Variants in FOXRED1 observed in about 807,000 individuals in gnomAD.
The protein encoded by FOXRED1 is FAD-dependent oxidoreductase domain-containing protein 1.
In FOXRED1, 52 loss-of-function variants were observed where a neutral mutation model predicts 57.8. The observed-to-expected ratio is 0.90, with a 90% CI of 0.72 to 1.13. The LOEUF is 1.13. Ranked by LOEUF, FOXRED1 falls within the 50% of genes most tolerant of loss-of-function variation. The probability of loss-of-function intolerance (pLI) is 0.00; values close to 1 mark genes in which losing one functional copy is unlikely to be tolerated. For missense variants in FOXRED1, 589 were observed against 625.2 expected, an observed-to-expected ratio of 0.94 and a Z score of 0.62; for synonymous variants, 271 against 248.3, an observed-to-expected ratio of 1.09 and a Z score of -0.86.
chr11:126,277,448 G>A lies in FOXRED1; in HGVS notation c.1220G>A (p.Trp407Ter), dbSNP rs1313443768. The A allele has an allele frequency of 6.2e-7, 1 of 1,613,024 alleles. No homozygotes were observed. The highest frequency in any genetic ancestry group is 8.5e-7 in the Non-Finnish European group (1 of 1,180,002). ...AFETLKVQSA[W>*]AGYYDYNTFD... ...GTGCACCCGCAGGTTCAGAGCGCCT[G>A]GGCCGGCTATTACGACTACAACACC... The change falls in exon 11 of 11, where the codon TGG becomes TAG. Residue 407 changes from tryptophan (W) to a stop codon, truncating the protein, a stop_gained. Transcript: ENST00000263578. LOFTEE classifies it high-confidence loss of function. This position sits in a 1 kb window ranked among gnomAD's most constrained non-coding sequence, Gnocchi z 6.8.
In FOXRED1 at chr11:126,277,159, C is replaced by T; in HGVS notation, c.1190C>T (p.Ala397Val). The change falls in exon 10 of 11, where the codon GCT becomes GTT. Residue 397 changes from alanine to valine, a missense_variant. Transcript: ENST00000263578. The surrounding 1 kb of genome is among the most constrained non-coding windows in gnomAD (Gnocchi z 6.8). The part of the protein sequence containing the change: ...VWPHLALRVP[A>V]FETLKVQSAW... The stretch of plus-strand genomic sequence containing the variant: ...CCCCATTTGGCCCTGAGGGTCCCAG[C>T]TTTTGAGACTCTGAAGGTAACTGGC... The T allele has an allele frequency of 6.2e-7, 1 of 1,604,458 alleles. No homozygotes were observed. The highest frequency in any genetic ancestry group is 1.1e-5 in the South Asian group (1 of 90,924).
chr11:126,274,149 G>A lies in FOXRED1; in HGVS notation c.536+695G>A, dbSNP rs755351585. ...TACATATGAGGAAACTGAGGCATAA[G>A]GCGCTAGTAAGTGGTGGCGGTAGGA... On this transcript the variant is annotated intron_variant, in intron 4 of 10. Coordinates refer to ENST00000263578, the MANE Select transcript of FOXRED1 (RefSeq NM_017547.4). This position sits in a 1 kb window ranked among gnomAD's most constrained non-coding sequence, Gnocchi z 4.8. 5 of 157,986 alleles carry A rather than the reference G, an allele frequency of 3.2e-5. No homozygotes were observed. The highest frequency in any genetic ancestry group is 7.0e-5 in the Non-Finnish European group (5 of 71,280). 9.8% of individuals were successfully genotyped at this position (157,986 alleles called of 1,614,324 possible). A position where few individuals can be genotyped will look rare whatever the true frequency, so the allele number is the denominator to read the frequency against.
chr11:126,275,517 G>A lies in FOXRED1; in HGVS notation c.733+89G>A, dbSNP rs770805319. The A allele has an allele frequency of 1.0e-6, 1 of 964,466 alleles. No homozygotes were observed. Among genetic ancestry groups the A allele is most frequent in the East Asian group, 2.4e-5 (1 of 41,058 alleles). The allele number at this position is 964,466 out of a possible 1,614,324, so 59.7% of individuals were successfully genotyped here. On this transcript the variant is annotated intron_variant, in intron 6 of 10. Coordinates refer to ENST00000263578, the MANE Select transcript of FOXRED1 (RefSeq NM_017547.4). The surrounding 1 kb of genome is among the most constrained non-coding windows in gnomAD (Gnocchi z 5.9). ...ACTCACAAGCTAAGCAAGGGCTGGA[G>A]GGGGAAAGGGGTCTCCCTGAGAGCA... is the stretch of plus-strand genomic sequence containing the variant.
intron 1 of FOXRED1, 75 bp downstream of exon 1, chr11:126,269,366 C>T (rs747960550): frequency 1.9e-6 from 3 of 1,611,616 alleles, no homozygotes; most frequent in African/African-American, 1.3e-5. Flanking sequence ...CTTCAGGACC[C>T]GAAACCATGG....
Position 126,271,511 on chromosome 11 carries a change from C to A in FOXRED1, c.160C>A (p.Gln54Lys). Residue 54 changes from glutamine (Q) to lysine (K), a missense_variant, in exon 2 of 11, where the codon CAA becomes AAA. Coordinates refer to ENST00000263578, the MANE Select transcript of FOXRED1 (RefSeq NM_017547.4). The surrounding 1 kb of genome is among the most constrained non-coding windows in gnomAD (Gnocchi z 5.3). The part of the protein sequence containing the change: ...ILPGRSCDLL[Q>K]DTSHLPPEHS... ...GCCTGGAAGGTCCTGTGATCTACTG[C>A]AAGACACCAGCCACCTGCCTCCCGA... The A allele has an allele frequency of 6.2e-7, 1 of 1,614,164 alleles. No individual in the cohort carries two copies. Among genetic ancestry groups the A allele is most frequent in the Non-Finnish European group, 8.5e-7 (1 of 1,179,986 alleles).
chr11:126,269,386 G>T (rs1950908241), intron 1 of FOXRED1, 95 bp downstream of exon 1: 1 of 1,606,354 alleles, frequency 6.2e-7, no homozygotes, highest in Non-Finnish European at 8.5e-7. Flanking sequence ...GCCCACACTG[G>T]CAGGACAGTG....
In FOXRED1 at chr11:126,271,886, A is replaced by G; in HGVS notation, c.306+229A>G. On this transcript the variant is annotated intron_variant, in intron 2 of 10. Transcript: ENST00000263578. This position sits in a 1 kb window ranked among gnomAD's most constrained non-coding sequence, Gnocchi z 5.3. ...TTCTTTTGAAAGCAGATATCACCATATTGGATTTTTCGAGATCTCATAGCT... is the reference window on the plus strand; with the variant it reads ...TTCTTTTGAAAGCAGATATCACCATGTTGGATTTTTCGAGATCTCATAGCT... The G allele has an allele frequency of 1.9e-6, 1 of 529,012 alleles. No individual in the cohort carries two copies. The highest frequency in any genetic ancestry group is 3.4e-6 in the Non-Finnish European group (1 of 290,120). 32.8% of individuals were successfully genotyped at this position (529,012 alleles called of 1,614,324 possible). A position where few individuals can be genotyped will look rare whatever the true frequency, so the allele number is the denominator to read the frequency against.
In FOXRED1 at chr11:126,272,956, T is replaced by C; in HGVS notation, c.307-13T>C. 2.2e-6 allele frequency: 3 copies of C among 1,369,180 alleles called. No individual in the cohort carries two copies. Among genetic ancestry groups the C allele is most frequent in the Non-Finnish European group, 3.1e-6 (3 of 956,078 alleles). The allele number at this position is 1,369,180 out of a possible 1,614,324, so 84.8% of individuals were successfully genotyped here. ...GGTACTGGTCTACCTCAACTTTTCT[T>C]GTCTTTCCACAGTATTCACAGGCCT... On this transcript the variant is annotated splice_polypyrimidine_tract_variant and intron_variant, in intron 2 of 10. Coordinates refer to ENST00000263578, the MANE Select transcript of FOXRED1 (RefSeq NM_017547.4). The surrounding 1 kb of genome is among the most constrained non-coding windows in gnomAD (Gnocchi z 4.6).
Position 126,275,151 on chromosome 11 carries a change from T to G in FOXRED1, c.631+130T>G. 2.4e-6 allele frequency: 2 copies of G among 818,436 alleles called. No homozygotes were observed. Among genetic ancestry groups the G allele is most frequent in the Non-Finnish European group, 4.2e-6 (2 of 475,546 alleles). The allele number at this position is 818,436 out of a possible 1,614,324, so 50.7% of individuals were successfully genotyped here. ...CACTTCCCTCCTGTGTCACGGGAACTGCCCTGGGCCGTGGTAGTTCTCTGT... is the reference window on the plus strand; with the variant it reads ...CACTTCCCTCCTGTGTCACGGGAACGGCCCTGGGCCGTGGTAGTTCTCTGT... On this transcript the variant is annotated intron_variant, in intron 5 of 10. Coordinates refer to ENST00000263578, the MANE Select transcript of FOXRED1 (RefSeq NM_017547.4). This position sits in a 1 kb window ranked among gnomAD's most constrained non-coding sequence, Gnocchi z 5.9.
rs759285031 is a variant in FOXRED1, at chr11:126,275,301, T to G, written c.632-26T>G. The G allele has an allele frequency of 2.3e-5, 34 of 1,504,840 alleles. No homozygotes were observed. The highest frequency in any genetic ancestry group is 3.1e-5 in the Non-Finnish European group (34 of 1,080,326). The allele number at this position is 1,504,840 out of a possible 1,614,324, so 93.2% of individuals were successfully genotyped here. ...AAGAGCAGAAGTCCTCATCCCTCTT[T>G]GTGAGTTCTCTTTTTCTTATCACAG... On this transcript the variant is annotated intron_variant, in intron 5 of 10. Transcript: ENST00000263578. This position sits in a 1 kb window ranked among gnomAD's most constrained non-coding sequence, Gnocchi z 5.9.
Position 126,275,634 on chromosome 11 carries a change from G to C in FOXRED1, c.734-160G>C, listed in dbSNP as rs1418867524. The C allele has an allele frequency of 2.8e-6, 2 of 721,844 alleles. No homozygotes were observed. The highest frequency in any genetic ancestry group is 5.0e-6 in the Non-Finnish European group (2 of 401,906). 44.7% of individuals were successfully genotyped at this position (721,844 alleles called of 1,614,324 possible). A position where few individuals can be genotyped will look rare whatever the true frequency, so the allele number is the denominator to read the frequency against. ...TGCACCTGAGCACTGTCCTGTCAGA[G>C]TGTGGCCAAGCTCATGCCAGCTCCC... is the stretch of plus-strand genomic sequence containing the variant. On this transcript the variant is annotated intron_variant, in intron 6 of 10. Coordinates refer to ENST00000263578, the MANE Select transcript of FOXRED1 (RefSeq NM_017547.4). This position sits in a 1 kb window ranked among gnomAD's most constrained non-coding sequence, Gnocchi z 5.9.
In FOXRED1 at chr11:126,272,741, CTG is replaced by C; in HGVS notation, c.307-224_307-223del. The C allele has an allele frequency of 3.3e-6, 2 of 605,698 alleles. No individual in the cohort carries two copies. Among genetic ancestry groups the C allele is most frequent in the Non-Finnish European group, 5.9e-6 (2 of 338,114 alleles). 37.5% of individuals were successfully genotyped at this position (605,698 alleles called of 1,614,324 possible). ...TCCAGGCCATTACCATTTTGTACCA[CTG>C]TGTCAGCTCTTTCCAGATGACTGAC... is the stretch of plus-strand genomic sequence containing the variant. On this transcript the variant is annotated intron_variant, in intron 2 of 10. Coordinates refer to ENST00000263578, the MANE Select transcript of FOXRED1 (RefSeq NM_017547.4). This position sits in a 1 kb window ranked among gnomAD's most constrained non-coding sequence, Gnocchi z 4.6.
Position 126,274,964 on chromosome 11 carries a change from C to A in FOXRED1, c.574C>A (p.Gln192Lys), listed in dbSNP as rs187124232. The A allele has an allele frequency of 4.3e-6, 7 of 1,613,696 alleles. No homozygotes were observed. Among genetic ancestry groups the A allele is most frequent in the Non-Finnish European group, 4.2e-6 (5 of 1,179,612 alleles). ...GAKVSLMSPD[Q>K]LRNKFPWINT... is the part of the protein sequence containing the mutation. ...CAAAGTTTCTCTGATGTCTCCTGATCAGCTTCGGAACAAGTTTCCCTGGAT... is the reference window on the plus strand; with the variant it reads ...CAAAGTTTCTCTGATGTCTCCTGATAAGCTTCGGAACAAGTTTCCCTGGAT... Residue 192 changes from glutamine (Q) to lysine (K), a missense_variant, in exon 5 of 11, where the codon CAG (glutamine) becomes AAG (lysine). Coordinates refer to ENST00000263578, the MANE Select transcript of FOXRED1 (RefSeq NM_017547.4). The surrounding 1 kb of genome is among the most constrained non-coding windows in gnomAD (Gnocchi z 4.8).
chr11:126,275,987 A>T lies in FOXRED1; in HGVS notation c.811-72A>T. On this transcript the variant is annotated intron_variant, in intron 7 of 10. Transcript: ENST00000263578. The surrounding 1 kb of genome is among the most constrained non-coding windows in gnomAD (Gnocchi z 5.9). Reference sequence around the variant, plus strand: ...CAGTATGGGTAAACTAAGGCTCAGGAAGCAGTGCATCTCTCAGGGTGCCTG... The same window carrying T: ...CAGTATGGGTAAACTAAGGCTCAGGTAGCAGTGCATCTCTCAGGGTGCCTG... 1 of 1,596,266 alleles carries T rather than the reference A, an allele frequency of 6.3e-7. No individual in the cohort carries two copies. Among genetic ancestry groups the T allele is most frequent in the Non-Finnish European group, 8.6e-7 (1 of 1,164,526 alleles).
Position 126,274,152 on chromosome 11 carries a change from G to A in FOXRED1, c.536+698G>A, listed in dbSNP as rs551242594. The stretch of plus-strand genomic sequence containing the variant: ...ATATGAGGAAACTGAGGCATAAGGC[G>A]CTAGTAAGTGGTGGCGGTAGGATCT... On this transcript the variant is annotated intron_variant, in intron 4 of 10. Transcript: ENST00000263578. The surrounding 1 kb of genome is among the most constrained non-coding windows in gnomAD (Gnocchi z 4.8). 8.8e-4 allele frequency: 140 copies of A among 158,202 alleles called. 1 individual carries two copies. Among genetic ancestry groups the A allele is most frequent in the South Asian group, 7.4e-3 (41 of 5,504 alleles). 9.8% of individuals were successfully genotyped at this position (158,202 alleles called of 1,614,324 possible).
At position 126,276,479 on chromosome 11, in the gene FOXRED1, G is replaced by A. The variant is rs780131344; in HGVS notation, c.1057G>A (p.Glu353Lys). The stretch of plus-strand genomic sequence containing the variant: ...CACCAGTGGAGCCTATTTTCGCCGG[G>A]AAGGATTAGGTAGCAACTACCTAGG... ...ADTSGAYFRR[E>K]GLGSNYLGGR... Residue 353 changes from glutamate to lysine, a missense_variant, in exon 9 of 11, where the codon GAA becomes AAA. Transcript: ENST00000263578. 1.9e-6 allele frequency: 3 copies of A among 1,609,148 alleles called. No individual in the cohort carries two copies. The Admixed American group carries it at 5.0e-5, about 27-fold the overall frequency.
rs1168566106 is a variant in FOXRED1 at position 126,269,274 on chromosome 11, G to A, written c.68G>A (p.Arg23Lys). The A allele has an allele frequency of 1.9e-6, 3 of 1,614,240 alleles. No individual in the cohort carries two copies. In the South Asian group the frequency reaches 3.3e-5, roughly 18 times the overall value. The part of the protein sequence containing the change: ...GLLTRRPGTR[R>K]GGFSLDWDGK... ...TTGACCCGGAGGCCAGGCACGCGCA[G>A]AGGAGGCTTTTCTCTGGGTAAAGTT... Residue 23 changes from arginine (R) to lysine (K), a missense_variant, in exon 1 of 11, where the codon AGA becomes AAA. Transcript: ENST00000263578.
rs1950972512 is a variant in FOXRED1, at chr11:126,271,025, G to A, written c.86-412G>A. On this transcript the variant is annotated intron_variant, in intron 1 of 10. Coordinates refer to ENST00000263578, the MANE Select transcript of FOXRED1 (RefSeq NM_017547.4). The surrounding 1 kb of genome is among the most constrained non-coding windows in gnomAD (Gnocchi z 5.3). ...GTTTGGTGGTGGTGATGGATATCCAGGATAAGCATGGCACCGCTTAGCGGT... is the reference window on the plus strand; with the variant it reads ...GTTTGGTGGTGGTGATGGATATCCAAGATAAGCATGGCACCGCTTAGCGGT... 3.7e-6 allele frequency: 1 copy of A among 269,716 alleles called. No homozygotes were observed. The highest frequency in any genetic ancestry group is 7.3e-6 in the Non-Finnish European group (1 of 137,628). 16.7% of individuals were successfully genotyped at this position (269,716 alleles called of 1,614,324 possible). A position where few individuals can be genotyped will look rare whatever the true frequency, so the allele number is the denominator to read the frequency against.
rs1951032951 is a variant in FOXRED1 at position 126,273,043 on chromosome 11, C to T, written c.381C>T (p.Leu127=). The T allele has an allele frequency of 6.2e-7, 1 of 1,605,176 alleles. No individual in the cohort carries two copies. The highest frequency in any genetic ancestry group is 8.5e-7 in the Non-Finnish European group (1 of 1,171,858). The change falls in exon 3 of 11, where the codon CTC becomes CTT. Residue 127 remains leucine, a synonymous_variant. Transcript: ENST00000263578. The surrounding 1 kb of genome is among the most constrained non-coding windows in gnomAD (Gnocchi z 5.9). ...TCTCATTGCCTGAGAACATCCAGCT[C>T]TCCCTCTTTTCAGCCAGCTTTCTAC... ...QQFSLPENIQ[L]SLFSASFLRN...
Sources: gnomAD v4.1 joint callset for allele counts on GRCh38, gnomAD v4.1.1 for gene constraint, Gnocchi (gnomAD v3.1) non-coding constraint, MANE v1.5 for transcripts, NCBI Gene and HGNC (gene_info 2026-07-23, HGNC 2026-07-21) for gene names.